Variants in TMEM131 observed in about 807,000 individuals in gnomAD.
TMEM131 encodes the protein transmembrane protein 131.
In TMEM131, 66 loss-of-function variants were observed where a neutral mutation model predicts 211.6. That is an observed-to-expected ratio of 0.31 (90% CI 0.26 to 0.38). TMEM131 has a LOEUF of 0.38. TMEM131 is among the 10% of genes least tolerant of loss of function. The pLI is 1.00. For missense variants in TMEM131, 2,036 were observed against 2,299.3 expected (o/e 0.89, Z 2.34); for synonymous variants, 844 against 841.3 (o/e 1.00, Z -0.06).
intron 3 of TMEM131, among the ~76,000 whole-genome samples, chr2:97,906,342 C>T (rs1676067371): frequency 6.6e-6 from 1 of 152,188 alleles, no homozygotes; most frequent in Non-Finnish European, 1.5e-5. Flanking sequence ...TAAATATTTA[C>T]CCAACTCATG....
chr2:97,821,073 G>A (rs1682095014), intron 11 of TMEM131, among the ~76,000 whole-genome samples: 1 of 152,176 alleles, frequency 6.6e-6, no homozygotes, highest in South Asian at 2.1e-4. Context: ...TTGCTCTACT[G>A]AATATGATCC....
intron 11 of TMEM131, among the ~76,000 whole-genome samples, chr2:97,828,294 G>A (rs1682495520): frequency 6.6e-6 from 1 of 151,762 alleles, no homozygotes; most frequent in Admixed American, 6.6e-5. Context: ...GTTAAGATTT[G>A]TGTACAAATT....
chr2:97,888,046 A>AC lies in TMEM131; in HGVS notation c.359+5dup. 6.2e-7 allele frequency: 1 copy of AC among 1,612,252 alleles called. No individual in the cohort carries two copies. The highest frequency in any genetic ancestry group is 8.5e-7 in the Non-Finnish European group (1 of 1,178,692). On this transcript the variant is annotated splice_donor_region_variant and intron_variant, in intron 4 of 40. Transcript: ENST00000186436. ...GGAAAGTACAGTCCAAAAATTTTAA[A>AC]CTTACTGTTCATGGAAATCCAGCAT...
At chr2:97,865,859 G>A (rs887499789) in intron 4 of TMEM131, among the ~76,000 whole-genome samples, 2 of 152,152 alleles carry the variant, frequency 1.3e-5, no homozygotes, top group Non-Finnish European at 2.9e-5. Context: ...GCTATGTGGA[G>A]CAGGGCTTGC....
At chr2:97,821,847 T>C (rs1397852141) in intron 11 of TMEM131, among the ~76,000 whole-genome samples, 1 of 152,184 alleles carries the variant, frequency 6.6e-6, no homozygotes, top group Admixed American at 6.5e-5. Flanking sequence ...CCCCCAACTC[T>C]TCAGAGTTGG....
intron 11 of TMEM131, among the ~76,000 whole-genome samples, chr2:97,832,725 C>T (rs1682765741): frequency 6.6e-6 from 1 of 152,224 alleles, no homozygotes; most frequent in African/African-American, 2.4e-5. Context: ...TTGGGGACCT[C>T]ATCAGGGAGA....
At chr2:97,975,062 CA>C (rs1559485071) in intron 1 of TMEM131, among the ~76,000 whole-genome samples, 1 of 152,040 alleles carries the variant, frequency 6.6e-6, no homozygotes, top group Non-Finnish European at 1.5e-5. Flanking sequence ...TTCAAAGTCA[CA>C]AAACAAGTCT....
intron 5 of TMEM131, among the ~76,000 whole-genome samples, chr2:97,850,487 C>T (rs1673576778): frequency 6.6e-6 from 1 of 152,084 alleles, no homozygotes; most frequent in Non-Finnish European, 1.5e-5. Flanking sequence ...ACCACCAGTG[C>T]CATCCTCTCT....
intron 5 of TMEM131, among the ~76,000 whole-genome samples, chr2:97,850,654 G>A (rs1467516205): frequency 6.6e-6 from 1 of 151,838 alleles, no homozygotes; most frequent in Non-Finnish European, 1.5e-5. Flanking sequence ...TAAAATAAAA[G>A]TTGAAAGAAA....
intron 1 of TMEM131, among the ~76,000 whole-genome samples, chr2:97,962,884 C>T (rs1049003123): frequency 1.7e-4 from 26 of 152,158 alleles, no homozygotes; most frequent in Admixed American, 7.2e-4. Context: ...ATTATGCAAA[C>T]TGAAACAAGT....
At chr2:97,780,561 AT>A (rs1415484083) in intron 31 of TMEM131, among the ~76,000 whole-genome samples, 2 of 152,192 alleles carry the variant, frequency 1.3e-5, no homozygotes, top group African/African-American at 2.4e-5. Context: ...TCAAATTTGG[AT>A]TCACCTACCT....
chr2:97,791,278 G>A (rs953566443), intron 31 of TMEM131, among the ~76,000 whole-genome samples: 8 of 152,210 alleles, frequency 5.3e-5, no homozygotes, highest in African/African-American at 1.9e-4. Context: ...TTATGCCCTT[G>A]CGCGGTTCTC....
At position 97,809,741 on chromosome 2, in the gene TMEM131, C is replaced by T. The variant is rs1203153138; in HGVS notation, c.2002G>A (p.Val668Ile). The T allele has an allele frequency of 1.2e-6, 2 of 1,609,102 alleles. No individual in the cohort carries two copies. The highest frequency in any genetic ancestry group is 1.7e-6 in the Non-Finnish European group (2 of 1,177,760). Residue 668 changes from valine (V) to isoleucine (I), a missense_variant, in exon 19 of 41, where the codon GTA becomes ATA. By Grantham distance (29) the Val-to-Ile change is conservative (BLOSUM62 3). Coordinates refer to ENST00000186436, the MANE Select transcript of TMEM131 (RefSeq NM_015348.2). ...TTAGGGAAGCAGGTCAGTGAGCCTACTGCAATCACAGCCTTCACAGGGATT... is the reference window on the plus strand; with the variant it reads ...TTAGGGAAGCAGGTCAGTGAGCCTATTGCAATCACAGCCTTCACAGGGATT... ...LTIPVKAVIA[V>I]GSLTCFPKHV...
Position 97,984,110 on chromosome 2 carries a change from T to C in TMEM131, c.187+11366A>G, listed in dbSNP as rs191749684. Among the ~76,000 whole-genome samples, 117 of 152,310 alleles carry C rather than the reference T, an allele frequency of 7.7e-4. 1 individual carries two copies. The highest frequency in any genetic ancestry group is 2.7e-3 in the African/African-American group (111 of 41,564). On this transcript the variant is annotated intron_variant, in intron 1 of 40. Transcript: ENST00000186436. ...GAAAAGTAGGTTAACATAAACCATA[T>C]ATACTTAGGTCTATTACTAGAATTT...
chr2:97,950,496 T>G (rs1217730778), intron 1 of TMEM131, among the ~76,000 whole-genome samples: 1 of 152,154 alleles, frequency 6.6e-6, no homozygotes, highest in Non-Finnish European at 1.5e-5. Flanking sequence ...GATCCTAATG[T>G]CCCTACACTT....
chr2:97,945,615 T>C (rs1235805624), intron 1 of TMEM131, among the ~76,000 whole-genome samples: 1 of 152,138 alleles, frequency 6.6e-6, no homozygotes, highest in African/African-American at 2.4e-5. Context: ...AGCTTATAGT[T>C]CTTTCATGGA....
chr2:97,790,952 C>T (rs1680473529), intron 31 of TMEM131, among the ~76,000 whole-genome samples: 1 of 152,206 alleles, frequency 6.6e-6, no homozygotes, highest in South Asian at 2.1e-4. Flanking sequence ...AACTCCTTGA[C>T]TCTGGGATGT....
intron 1 of TMEM131, among the ~76,000 whole-genome samples, chr2:97,974,762 T>A (rs2104616246): frequency 6.7e-6 from 1 of 149,962 alleles, no homozygotes; most frequent in South Asian, 2.1e-4. Context: ...AATAAAAGTA[T>A]CTGAGAACAA....
At chr2:97,784,905 A>T (rs1573356085) in intron 31 of TMEM131, among the ~76,000 whole-genome samples, 2 of 152,266 alleles carry the variant, frequency 1.3e-5, no homozygotes, top group East Asian at 3.9e-4. Context: ...AAAGACACAA[A>T]TTACCAATAT....
Sources: gnomAD v4.1 joint callset for allele counts (sites outside exome capture counted in the v4.1 genomes callset) on GRCh38, gnomAD v4.1.1 for gene constraint, MANE v1.5 for transcripts, NCBI Gene and HGNC (gene_info 2026-07-23, HGNC 2026-07-21) for gene names.